Variants in OBP2B observed in about 807,000 individuals in gnomAD.
OBP2B encodes the protein odorant-binding protein 2b.
Under a neutral mutation model 21.7 loss-of-function variants are expected in OBP2B, and 10 were observed. The observed-to-expected ratio is 0.46, with a 90% CI of 0.28 to 0.78. The LOEUF (loss-of-function observed/expected upper bound fraction) is 0.78. OBP2B is among the 30% of genes least tolerant of loss of function. The pLI is 0.11. For synonymous variants in OBP2B, 73 were observed against 91.5 expected (o/e 0.80, Z 1.16); for missense variants, 153 against 217.7 (o/e 0.70, Z 1.87).
Position 133,207,223 on chromosome 9 carries a change from C to T in OBP2B, c.388+3G>A, listed in dbSNP as rs1252109689. 1.2e-6 allele frequency: 2 copies of T among 1,605,656 alleles called. No individual in the cohort carries two copies. Among genetic ancestry groups the T allele is most frequent in the East Asian group, 2.2e-5 (1 of 44,842 alleles). ...GACACGCAGACCCCAGCAAGCCCCT[C>T]ACCCACAAGCTTTCCCATGTGGAGC... is the stretch of plus-strand genomic sequence containing the variant. On this transcript the variant is annotated splice_donor_region_variant and intron_variant, in intron 4 of 6. Transcript: ENST00000372034.
chr9:133,205,800 A>T, intron 6 of OBP2B, 117 bp downstream of exon 6: 1 of 1,313,276 alleles, frequency 7.6e-7, no homozygotes, highest in Non-Finnish European at 1.1e-6. Flanking sequence ...CTCGTGCCTG[A>T]CCCTGGGGGG....
chr9:133,209,089 C>T lies in OBP2B; in HGVS notation c.72+39G>A, dbSNP rs368467501. ...TGGCACTGCCCCCTGCCCAGGAGTC[C>T]GCCTGGCTCCTCCATCCGCCCACGC... is the stretch of plus-strand genomic sequence containing the variant. On this transcript the variant is annotated intron_variant, in intron 1 of 6. Transcript: ENST00000372034. This position sits in a 1 kb window ranked among gnomAD's most constrained non-coding sequence, Gnocchi z 6.0. 169 of 1,612,290 alleles carry T rather than the reference C, an allele frequency of 1.0e-4. No individual in the cohort carries two copies. The highest frequency in any genetic ancestry group is 4.0e-4 in the African/African-American group (30 of 74,898).
At chr9:133,215,636 C>T in the OBP2B span, among the ~76,000 whole-genome samples, 715 of 152,090 alleles carry the variant, frequency 4.7e-3, 5 homozygotes, top group Middle Eastern at 0.041. Flanking sequence ...CTCCTGCCTC[C>T]GCCTCCCAAG....
chr9:133,218,194 A>G, the OBP2B span, among the ~76,000 whole-genome samples: 1 of 152,354 alleles, frequency 6.6e-6, no homozygotes, highest in East Asian at 1.9e-4. Flanking sequence ...TCCAGGTGGC[A>G]GGAGCATCCA....
chr9:133,222,100 AGCTGAGTGTGTCAGTGCGTATGT>A, the OBP2B span, among the ~76,000 whole-genome samples: 127 of 152,152 alleles, frequency 8.3e-4, no homozygotes, highest in African/African-American at 2.5e-3. Flanking sequence ...TGTGGACCCA[AGCTGAGTGTGTCAGTGCGTATGT>A]GCTGAGTGTG....
chr9:133,214,689 T>C, the OBP2B span, among the ~76,000 whole-genome samples: 1 of 152,188 alleles, frequency 6.6e-6, no homozygotes, highest in African/African-American at 2.4e-5. Context: ...CATAATTAGA[T>C]AAGCGAGCAC....
At chr9:133,208,992 C>A in intron 1 of OBP2B, 136 bp downstream of exon 1, 1 of 913,628 alleles carries the variant, frequency 1.1e-6, no homozygotes, top group Non-Finnish European at 1.7e-6. Context: ...TAGGACCCCT[C>A]CACCACCACC....
the OBP2B span, among the ~76,000 whole-genome samples, chr9:133,220,449 C>A: frequency 1.3e-5 from 2 of 152,210 alleles, no homozygotes; most frequent in Non-Finnish European, 2.9e-5. Flanking sequence ...CAGTTCCCCC[C>A]ATGGGCAGAC....
At position 133,207,221 on chromosome 9, in the gene OBP2B, C is replaced by T. The variant is rs782679528; in HGVS notation, c.388+5G>A. The T allele has an allele frequency of 5.6e-6, 9 of 1,605,956 alleles. No homozygotes were observed. The highest frequency in any genetic ancestry group is 7.7e-6 in the Non-Finnish European group (9 of 1,172,596). On this transcript the variant is annotated splice_donor_5th_base_variant and intron_variant, in intron 4 of 6. Coordinates refer to ENST00000372034, the MANE Select transcript of OBP2B (RefSeq NM_014581.4). ...AGGACACGCAGACCCCAGCAAGCCC[C>T]TCACCCACAAGCTTTCCCATGTGGA...
At chr9:133,218,272 T>C in the OBP2B span, among the ~76,000 whole-genome samples, 5 of 152,146 alleles carry the variant, frequency 3.3e-5, no homozygotes, top group African/African-American at 9.6e-5. Flanking sequence ...CCACAGCAAA[T>C]GATCCAGGGA....
chr9:133,207,238 C>T lies in OBP2B; in HGVS notation c.376G>A (p.Gly126Arg). 6.2e-7 allele frequency: 1 copy of T among 1,612,626 alleles called. No individual in the cohort carries two copies. The highest frequency in any genetic ancestry group is 8.5e-7 in the Non-Finnish European group (1 of 1,178,672). ...DQHHGGLLHM[G>R]KLVGRNSDTN... ...GCAAGCCCCTCACCCACAAGCTTTC[C>T]CATGTGGAGCAGGCCCCCATGGTGC... Residue 126 changes from glycine to arginine, a missense_variant, in exon 4 of 7, where the codon GGA becomes AGA. This residue lies in a region of OBP2B where 151 missense variants were observed against 186.3 expected (regional missense o/e 0.81). Coordinates refer to ENST00000372034, the MANE Select transcript of OBP2B (RefSeq NM_014581.4).
At chr9:133,214,119 T>C (rs538979447), upstream of OBP2B, among the ~76,000 whole-genome samples, 387 of 152,316 alleles carry the variant, frequency 2.5e-3, no homozygotes, top group Non-Finnish European at 2.6e-3. Flanking sequence ...TACATGATCA[T>C]ATCGATCAAT....
chr9:133,220,675 C>T, the OBP2B span, among the ~76,000 whole-genome samples: 1 of 151,890 alleles, frequency 6.6e-6, no homozygotes, highest in African/African-American at 2.4e-5. Context: ...AATAATGGTC[C>T]CCTAAAGATG....
At chr9:133,222,295 C>T in the OBP2B span, among the ~76,000 whole-genome samples, 6 of 152,192 alleles carry the variant, frequency 3.9e-5, no homozygotes, top group African/African-American at 9.6e-5. Context: ...CCTGAGAGCT[C>T]GGCACTGCAG....
the OBP2B span, among the ~76,000 whole-genome samples, chr9:133,222,155 C>T: frequency 6.6e-6 from 1 of 151,780 alleles, no homozygotes; most frequent in African/African-American, 2.4e-5. Flanking sequence ...GTACTGAGCA[C>T]GGCAGAGCTC....
At chr9:133,212,916 A>T (rs1833932659), upstream of OBP2B, among the ~76,000 whole-genome samples, 2 of 151,666 alleles carry the variant, frequency 1.3e-5, no homozygotes, top group Non-Finnish European at 2.9e-5. Context: ...TGACAGAGCA[A>T]GACTCCATCT....
intron 4 of OBP2B, among the ~76,000 whole-genome samples, chr9:133,206,897 C>T (rs1383788468): frequency 6.6e-6 from 1 of 152,014 alleles, no homozygotes; most frequent in Non-Finnish European, 1.5e-5. Context: ...GCACCGGCCA[C>T]CCTCCTGCCC....
rs1833666903 is a variant in OBP2B, at chr9:133,205,318, G to A, written c.*95C>T. On this transcript the variant is annotated 3_prime_UTR_variant, in exon 7 of 7. Coordinates refer to ENST00000372034, the MANE Select transcript of OBP2B (RefSeq NM_014581.4). ...TTTATTTGGAGTCAGGTGGGTGGGA[G>A]CAGGGAAGGGTCATGGCTGGAGGGT... The A allele has an allele frequency of 1.3e-6, 2 of 1,514,388 alleles. No individual in the cohort carries two copies. The highest frequency in any genetic ancestry group is 1.8e-6 in the Non-Finnish European group (2 of 1,119,080). The allele number at this position is 1,514,388 out of a possible 1,614,324, so 93.8% of individuals were successfully genotyped here.
intron 3 of OBP2B, chr9:133,207,879 A>AT (rs782180284): frequency 2.7e-4 from 415 of 1,524,764 alleles, no homozygotes; most frequent in Non-Finnish European, 3.4e-4. Flanking sequence ...CAGCTTCCTC[A>AT]ATGTGTCAAT....
Sources: allele counts gnomAD v4.1 joint callset (sites outside exome capture counted in the v4.1 genomes callset), GRCh38; gene constraint gnomAD v4.1.1; regional missense constraint gnomAD v4.1.1; non-coding constraint Gnocchi (gnomAD v3.1); transcripts MANE v1.5; gene names NCBI Gene and HGNC (gene_info 2026-07-23, HGNC 2026-07-21).